PPP1R8: variants seen among roughly 807,000 people sequenced by gnomAD.
PPP1R8 encodes the protein protein phosphatase 1 regulatory subunit 8.
Under a neutral mutation model 31.3 loss-of-function variants are expected in PPP1R8, and 4 were observed. The ratio of observed to expected loss-of-function variants is 0.13; its 90% CI spans 0.06 to 0.29. The LOEUF (loss-of-function observed/expected upper bound fraction) is 0.29, where lower values mean the gene tolerates loss of function less well. PPP1R8 is among the 10% of genes least tolerant of loss of function. The pLI, the probability that PPP1R8 is intolerant of heterozygous loss-of-function variation, is 1.00. For missense variants in PPP1R8, 254 were observed against 440.1 expected, an observed-to-expected ratio of 0.58 and a Z score of 3.78; for synonymous variants, 170 against 169.7, an observed-to-expected ratio of 1.00 and a Z score of -0.01.
In PPP1R8 at chr1:27,850,077, T is replaced by C. The variant is rs369647815; in HGVS notation, c.703-16T>C. The C allele has an allele frequency of 4.0e-5, 61 of 1,532,084 alleles. No individual in the cohort carries two copies. Among genetic ancestry groups the C allele is most frequent in the Non-Finnish European group, 5.3e-5 (60 of 1,137,704 alleles). The allele number at this position is 1,532,084 out of a possible 1,614,324, so 94.9% of individuals were successfully genotyped here. On this transcript the variant is annotated splice_polypyrimidine_tract_variant and intron_variant, in intron 6 of 6. Coordinates refer to ENST00000311772, the MANE Select transcript of PPP1R8 (RefSeq NM_014110.5). ...TCTCTCTCCAATCTCTCCCCTCTCC[T>C]CATCGTGAACTGTAGAAGAAGCGTG...
intron 5 of PPP1R8, among the ~76,000 whole-genome samples, chr1:27,845,939 G>A (rs1175312580): frequency 1.3e-5 from 2 of 151,446 alleles, no homozygotes; most frequent in South Asian, 2.1e-4. Context: ...ACAGGTGCAC[G>A]CCACCACACC....
intron 2 of PPP1R8, among the ~76,000 whole-genome samples, chr1:27,836,821 G>C (rs11247692): frequency 0.98 from 149,735 of 152,188 alleles, 73,662 homozygotes; most frequent in East Asian, 1. Flanking sequence ...CACCTGAGGT[G>C]AGGAGTTCGA....
At chr1:27,849,744 A>G (rs1019596247) in intron 6 of PPP1R8, among the ~76,000 whole-genome samples, 1 of 152,166 alleles carries the variant, frequency 6.6e-6, no homozygotes, top group Non-Finnish European at 1.5e-5. Context: ...CTAAAAGGGC[A>G]TTTTAATATG....
intron 5 of PPP1R8, among the ~76,000 whole-genome samples, chr1:27,844,324 T>G (rs2089251518): frequency 6.6e-6 from 1 of 151,808 alleles, no homozygotes; most frequent in Admixed American, 6.6e-5. Flanking sequence ...TTTTTATTTT[T>G]TATTTTTATT....
intron 2 of PPP1R8, 44 bp downstream of exon 2, chr1:27,832,860 A>T (rs1233004165): frequency 1.3e-5 from 19 of 1,518,846 alleles, no homozygotes; most frequent in Non-Finnish European, 1.7e-5. Context: ...CACACTAAAG[A>T]TTTTTGCCAG....
At chr1:27,849,923 G>C (rs2089324089) in intron 6 of PPP1R8, among the ~76,000 whole-genome samples, 170 bp from the exon 7 acceptor site, 1 of 152,166 alleles carries the variant, frequency 6.6e-6, no homozygotes, top group Non-Finnish European at 1.5e-5. Flanking sequence ...CAAACCGTAA[G>C]ATTTCAACAT....
In PPP1R8 at chr1:27,830,829, A is replaced by G. The variant is rs372542193; in HGVS notation, c.-7A>G. ...AGGGCGCGCCAAATGGGAGGGGGAG[A>G]CGCAAGATGGCGGCAGCCGCGAACT... On this transcript the variant is annotated 5_prime_UTR_variant, in exon 1 of 7. Transcript: ENST00000311772. The G allele has an allele frequency of 8.3e-6, 13 of 1,574,916 alleles. No individual in the cohort carries two copies. The highest frequency in any genetic ancestry group is 5.4e-5 in the African/African-American group (4 of 74,090).
intron 1 of PPP1R8, chr1:27,831,408 G>A (rs568258908): frequency 2.1e-6 from 2 of 960,974 alleles, no homozygotes; most frequent in African/African-American, 1.8e-5. Flanking sequence ...CTCCCAGTCT[G>A]TGGCACTAGT....
chr1:27,840,907 G>GC (rs1447119694), intron 3 of PPP1R8, 107 bp from the exon 4 acceptor site: 3 of 1,134,956 alleles, frequency 2.6e-6, no homozygotes, highest in South Asian at 2.9e-5. Context: ...AAACTGATGT[G>GC]CTGGGGGGAA....
chr1:27,832,594 CG>C (rs918592166), intron 1 of PPP1R8, among the ~76,000 whole-genome samples, 161 bp from the exon 2 acceptor site: 16 of 152,074 alleles, frequency 1.1e-4, no homozygotes. Context: ...AAGTGTCAAA[CG>C]TAGAATGGAG....
At chr1:27,846,711 G>A (rs1374804028) in intron 5 of PPP1R8, among the ~76,000 whole-genome samples, 1 of 152,210 alleles carries the variant, frequency 6.6e-6, no homozygotes, top group East Asian at 1.9e-4. Context: ...ACAGCACAGT[G>A]GTGCAGATCA....
Position 27,841,124 on chromosome 1 carries a change from G to A in PPP1R8, c.382G>A (p.Glu128Lys), listed in dbSNP as rs766297186. The change falls in exon 4 of 7, where the codon GAG becomes AAG. Residue 128 changes from glutamate to lysine, a missense_variant. By Grantham distance (56) the Glu-to-Lys change is moderately conservative (BLOSUM62 1). Coordinates refer to ENST00000311772, the MANE Select transcript of PPP1R8 (RefSeq NM_014110.5). The stretch of plus-strand genomic sequence containing the variant: ...ATCCACAAGGGCATACACTCTGCGC[G>A]AGAAGCCTCAGACATTGCCATCGGC... The part of the protein sequence containing the change: ...GASTRAYTLR[E>K]KPQTLPSAVK... 4 of 1,614,204 alleles carry A rather than the reference G, an allele frequency of 2.5e-6. No homozygotes were observed. The highest frequency in any genetic ancestry group is 2.5e-6 in the Non-Finnish European group (3 of 1,180,050).
chr1:27,831,411 G>T, intron 1 of PPP1R8: 1 of 946,330 alleles, frequency 1.1e-6, no homozygotes, highest in African/African-American at 1.8e-5. Flanking sequence ...CCAGTCTGTG[G>T]CACTAGTAGG....
rs148126754 is a variant in PPP1R8, at chr1:27,850,685, C to T, written c.*239C>T. The T allele has an allele frequency of 4.2e-4, 193 of 458,584 alleles. No individual in the cohort carries two copies. Among genetic ancestry groups the T allele is most frequent in the African/African-American group, 3.4e-3 (176 of 51,896 alleles). The allele number at this position is 458,584 out of a possible 1,614,324, so 28.4% of individuals were successfully genotyped here. Reference sequence around the variant, plus strand: ...TTCTTATATCCTTTTCAATAGACTGCCCTGGCTCTTTCCTAGGCCTTCCAC... The same window carrying T: ...TTCTTATATCCTTTTCAATAGACTGTCCTGGCTCTTTCCTAGGCCTTCCAC... On this transcript the variant is annotated 3_prime_UTR_variant, in exon 7 of 7. Transcript: ENST00000311772.
chr1:27,847,901 A>G (rs1348540724), intron 6 of PPP1R8, among the ~76,000 whole-genome samples: 1 of 152,234 alleles, frequency 6.6e-6, no homozygotes, highest in African/African-American at 2.4e-5. Context: ...TTTCATGTAA[A>G]TAATGTGCAA....
In PPP1R8 at chr1:27,832,827, A is replaced by G. The variant is rs1462317582; in HGVS notation, c.117+11A>G. 6.2e-7 allele frequency: 1 copy of G among 1,600,800 alleles called. No individual in the cohort carries two copies. Among genetic ancestry groups the G allele is most frequent in the Non-Finnish European group, 8.5e-7 (1 of 1,171,306 alleles). On this transcript the variant is annotated intron_variant, in intron 2 of 6. Transcript: ENST00000311772. ...GACAAACTAATTGAGGTATGGAAATACATGTCTTACTTTTTTGGCTGCCAC... is the reference window on the plus strand; with the variant it reads ...GACAAACTAATTGAGGTATGGAAATGCATGTCTTACTTTTTTGGCTGCCAC...
chr1:27,841,701 G>C (rs1264363463), intron 4 of PPP1R8, among the ~76,000 whole-genome samples: 1 of 152,228 alleles, frequency 6.6e-6, no homozygotes, highest in Non-Finnish European at 1.5e-5. Context: ...GGCTTAGAGA[G>C]ACTGACATTT....
chr1:27,846,495 A>G (rs1368865134), intron 5 of PPP1R8, among the ~76,000 whole-genome samples: 1 of 152,256 alleles, frequency 6.6e-6, no homozygotes, highest in East Asian at 1.9e-4. Context: ...TCAAGTCAAA[A>G]GGCCAGGTTC....
intron 2 of PPP1R8, among the ~76,000 whole-genome samples, chr1:27,838,072 A>G (rs1178097487): frequency 2.0e-5 from 3 of 149,054 alleles, no homozygotes; most frequent in African/African-American, 7.4e-5. Context: ...TTAGCCGGGC[A>G]TGGTGGCGCG....
Sources: allele counts gnomAD v4.1 joint callset (sites outside exome capture counted in the v4.1 genomes callset), GRCh38; gene constraint gnomAD v4.1.1; transcripts MANE v1.5; gene names NCBI Gene and HGNC (gene_info 2026-07-23, HGNC 2026-07-21).